The following ARHGAP6 variants were observed in gnomAD, a reference collection of about 807,000 sequenced individuals.
The protein encoded by ARHGAP6 is Rho GTPase activating protein 6.
A neutral mutation model predicts 55.7 loss-of-function variants in ARHGAP6; 16 were observed. The observed-to-expected ratio is 0.29, with a 90% CI of 0.19 to 0.44. The LOEUF (loss-of-function observed/expected upper bound fraction) is 0.44, where lower values mean the gene tolerates loss of function less well. ARHGAP6 is among the 20% of genes least tolerant of loss of function. The probability of loss-of-function intolerance (pLI) is 1.00; values close to 1 mark genes in which losing one functional copy is unlikely to be tolerated. For synonymous variants in ARHGAP6, 382 were observed against 360.9 expected, an observed-to-expected ratio of 1.06 and a Z score of -0.66; for missense variants, 698 against 808.9, an observed-to-expected ratio of 0.86 and a Z score of 1.66.
chrX:11,140,390 C>T (rs1387864689), intron 12 of ARHGAP6, among the ~76,000 whole-genome samples: 1 of 93,207 alleles, frequency 1.1e-5, no homozygotes, highest in Non-Finnish European at 2.1e-5. Context: ...TGCACTCCAG[C>T]CTGGGTGACA....
intron 1 of ARHGAP6, among the ~76,000 whole-genome samples, chrX:11,399,950 C>T (rs1295052975): frequency 1.8e-5 from 2 of 111,833 alleles, no homozygotes; most frequent in African/African-American, 6.5e-5. Flanking sequence ...AAACATTATG[C>T]TAAGTGAAAG....
intron 1 of ARHGAP6, among the ~76,000 whole-genome samples, chrX:11,649,221 T>C (rs2052560400): frequency 9.0e-6 from 1 of 111,601 alleles, no homozygotes; most frequent in Non-Finnish European, 1.9e-5. Flanking sequence ...GGAGGATCAC[T>C]GAGGCACCAC....
intron 1 of ARHGAP6, among the ~76,000 whole-genome samples, chrX:11,358,437 CTTT>C (rs2048961456): frequency 2.3e-5 from 1 of 43,705 alleles, no homozygotes; most frequent in East Asian, 1.3e-3. Context: ...CTGTATCTTT[CTTT>C]CTTTCTTTCT....
chrX:11,573,740 G>A (rs1477407954), intron 1 of ARHGAP6, among the ~76,000 whole-genome samples: 2 of 110,668 alleles, frequency 1.8e-5, no homozygotes, highest in African/African-American at 6.6e-5. Context: ...TTGGTAGCTT[G>A]ATGGGGATGG....
chrX:11,662,533 T>C (rs1282426783), intron 1 of ARHGAP6, among the ~76,000 whole-genome samples: 1 of 112,251 alleles, frequency 8.9e-6, no homozygotes, highest in Non-Finnish European at 1.9e-5. Flanking sequence ...TTGTGCAGAC[T>C]GCCCACTGTA....
intron 1 of ARHGAP6, among the ~76,000 whole-genome samples, chrX:11,317,121 T>C (rs1012336440): frequency 1.8e-5 from 2 of 112,459 alleles, no homozygotes; most frequent in Non-Finnish European, 3.8e-5. Context: ...GGCACCAGCA[T>C]GTGAGGGAAA....
intron 1 of ARHGAP6, among the ~76,000 whole-genome samples, chrX:11,572,449 T>G (rs1037561332): frequency 9.0e-6 from 1 of 111,017 alleles, no homozygotes; most frequent in African/African-American, 3.3e-5. Flanking sequence ...TTTGGTTTTT[T>G]GTTCTTGCGA....
chrX:11,149,864 A>G (rs764800540), intron 10 of ARHGAP6, among the ~76,000 whole-genome samples: 2 of 112,020 alleles, frequency 1.8e-5, no homozygotes, highest in South Asian at 3.7e-4. Flanking sequence ...CAGTACTGAA[A>G]TTTTATTTTT....
intron 1 of ARHGAP6, among the ~76,000 whole-genome samples, chrX:11,346,483 G>A (rs112828611): frequency 5.4e-5 from 6 of 111,003 alleles, no homozygotes; most frequent in South Asian, 7.7e-4. Context: ...TTTGGGAGGC[G>A]GAGAGGGGAG....
At chrX:11,526,145 C>G (rs1026995317) in intron 1 of ARHGAP6, among the ~76,000 whole-genome samples, 2 of 111,491 alleles carry the variant, frequency 1.8e-5, no homozygotes, top group African/African-American at 3.3e-5. Flanking sequence ...GAAAGTGAGA[C>G]GAGGAAGGGA....
chrX:11,631,483 G>A (rs991409446), intron 1 of ARHGAP6, among the ~76,000 whole-genome samples: 2 of 109,375 alleles, frequency 1.8e-5, no homozygotes, highest in East Asian at 2.9e-4. Flanking sequence ...CCAAGATCAC[G>A]TGATTATACT....
At chrX:11,332,156 C>T (rs766687210) in intron 1 of ARHGAP6, among the ~76,000 whole-genome samples, 6 of 111,471 alleles carry the variant, frequency 5.4e-5, no homozygotes, top group South Asian at 7.6e-4. Flanking sequence ...ACCCTCTTGC[C>T]GCTATATTTT....
rs1487895862 is a variant in ARHGAP6 at position 11,664,613 on chromosome X, G to A, written c.216C>T (p.Ala72=). ...AGRLYSPSLP[A]ESLGPRLASS... ...ACGCCAAGCGAGGGCCGAGACTCTCGGCTGGGAGTGATGGGGAGTAGAGGC... is the reference window on the plus strand; with the variant it reads ...ACGCCAAGCGAGGGCCGAGACTCTCAGCTGGGAGTGATGGGGAGTAGAGGC... The change falls in exon 1 of 13, where the codon GCC becomes GCT. Residue 72 remains alanine (A), a synonymous_variant. Transcript: ENST00000337414. The A allele has an allele frequency of 8.5e-7, 1 of 1,171,440 alleles. No individual in the cohort carries two copies. Among genetic ancestry groups the A allele is most frequent in the South Asian group, 1.9e-5 (1 of 52,864 alleles).
chrX:11,285,142 C>T (rs1165080336), intron 1 of ARHGAP6, among the ~76,000 whole-genome samples: 1 of 105,505 alleles, frequency 9.5e-6, no homozygotes, highest in Non-Finnish European at 1.9e-5. Flanking sequence ...CAGATCTTTC[C>T]AGATGAACAA....
chrX:11,353,483 G>A (rs1275130391), intron 1 of ARHGAP6, among the ~76,000 whole-genome samples: 3 of 110,208 alleles, frequency 2.7e-5, no homozygotes, highest in African/African-American at 6.6e-5. Flanking sequence ...CTTTAGTATT[G>A]AGCTATTTGC....
intron 1 of ARHGAP6, among the ~76,000 whole-genome samples, chrX:11,320,259 G>A (rs936390457): frequency 2.7e-5 from 3 of 111,801 alleles, no homozygotes; most frequent in Non-Finnish European, 5.6e-5. Flanking sequence ...AAGCTAGACC[G>A]GCATCTCCTC....
chrX:11,580,718 G>A (rs186826260), intron 1 of ARHGAP6, among the ~76,000 whole-genome samples: 7 of 112,059 alleles, frequency 6.2e-5, no homozygotes, highest in African/African-American at 1.9e-4. Flanking sequence ...CTAATATAAT[G>A]TTAGCTCTCT....
rs1315746027 is a variant in ARHGAP6, at chrX:11,665,558, G to A, written c.-730C>T. The A allele has an allele frequency of 8.8e-6, 1 of 113,591 alleles. No homozygotes were observed. The highest frequency in any genetic ancestry group is 1.9e-5 in the Non-Finnish European group (1 of 53,491). 9.4% of individuals were successfully genotyped at this position (113,591 alleles called of 1,213,427 possible). On this transcript the variant is annotated 5_prime_UTR_variant, in exon 1 of 13. Coordinates refer to ENST00000337414, the MANE Select transcript of ARHGAP6 (RefSeq NM_013427.3). The stretch of plus-strand genomic sequence containing the variant: ...GGGACACCGAGCGTGCTGCGCCCGG[G>A]ACCTCCAAAGACTGCGTGCCCACGG...
intron 1 of ARHGAP6, among the ~76,000 whole-genome samples, chrX:11,594,878 G>A (rs976999524): frequency 1.8e-5 from 2 of 112,237 alleles, no homozygotes; most frequent in African/African-American, 6.5e-5. Flanking sequence ...TTGTCATGTT[G>A]CTAGTTGTTT....
Sources: allele counts gnomAD v4.1 joint callset (sites outside exome capture counted in the v4.1 genomes callset), GRCh38; gene constraint gnomAD v4.1.1; transcripts MANE v1.5; gene names NCBI Gene and HGNC (gene_info 2026-07-23, HGNC 2026-07-21).